LRRK2: variants seen among roughly 807,000 people sequenced by gnomAD.
LRRK2 encodes the protein leucine rich repeat kinase 2.
A neutral mutation model predicts 302.6 loss-of-function variants in LRRK2; 203 were observed. That is an observed-to-expected ratio of 0.67 (90% confidence interval 0.60 to 0.75). The LOEUF is 0.75. Among genes scored for constraint, LRRK2 ranks in the 30% least tolerant of loss-of-function variants. The probability of loss-of-function intolerance (pLI) is 0.00; values close to 1 mark genes in which losing one functional copy is unlikely to be tolerated. For missense variants in LRRK2, 2,830 were observed against 2,951.0 expected (o/e 0.96, Z 0.95); for synonymous variants, 1,066 against 1,031.9 (o/e 1.03, Z -0.63).
rs1946525517 is a variant in LRRK2, at chr12:40,356,018, GTCTA to G, written c.6771-92_6771-89del. 32 of 734,764 alleles carry G rather than the reference GTCTA, an allele frequency of 4.4e-5. 2 individuals carry two copies. In the South Asian group the frequency reaches 4.7e-4, roughly 11 times the overall value. 45.5% of individuals were successfully genotyped at this position (734,764 alleles called of 1,614,324 possible). A position where few individuals can be genotyped will look rare whatever the true frequency, so the allele number is the denominator to read the frequency against. On this transcript the variant is annotated intron_variant, in intron 45 of 50. Transcript: ENST00000298910. The stretch of plus-strand genomic sequence containing the variant: ...GAGGTTAGGAATTTATAGTTGAGAA[GTCTA>G]TCTAAAGTTTAATAAAGTGGAGGAG...
At chr12:40,346,951 AT>A (rs746079580) in intron 42 of LRRK2, 28 bp downstream of exon 42, 7 of 1,582,472 alleles carry the variant, frequency 4.4e-6, no homozygotes, top group African/African-American at 2.7e-5. Context: ...TACAATGAAG[AT>A]TTTTTTTCTT....
intron 28 of LRRK2, among the ~76,000 whole-genome samples, chr12:40,307,490 G>T: frequency 6.6e-6 from 1 of 151,922 alleles, no homozygotes; most frequent in African/African-American, 2.4e-5. Flanking sequence ...AGATCATTAG[G>T]AATGAAAGCT....
chr12:40,296,348 A>G (rs947857680), intron 23 of LRRK2, among the ~76,000 whole-genome samples: 1 of 152,142 alleles, frequency 6.6e-6, no homozygotes, highest in Non-Finnish European at 1.5e-5. Context: ...TTAAATTCTC[A>G]AGGCTGGGCA....
At chr12:40,286,324 C>T (rs1476674480) in intron 19 of LRRK2, 1 of 151,878 alleles carries the variant, frequency 6.6e-6, no homozygotes, top group Non-Finnish European at 1.5e-5. Flanking sequence ...TTTCCCATAT[C>T]ATAACATATT....
rs199964631 is a variant in LRRK2 at position 40,364,956 on chromosome 12, C to G, written c.7296C>G (p.Gly2432=). Residue 2432 remains glycine (G), a synonymous_variant, in exon 49 of 51, where the codon GGC becomes GGG. Coordinates refer to ENST00000298910, the MANE Select transcript of LRRK2 (RefSeq NM_198578.4). The part of the protein sequence containing the change: ...NTALWIGTGG[G]HILLLDLSTR... Reference sequence around the variant, plus strand: ...CTCTTTGGATAGGAACTGGAGGAGGCCATATTTTACTCCTGGATCTTTCAA... The same window carrying G: ...CTCTTTGGATAGGAACTGGAGGAGGGCATATTTTACTCCTGGATCTTTCAA... The G allele has an allele frequency of 9.3e-5, 150 of 1,612,370 alleles. No individual in the cohort carries two copies. Among genetic ancestry groups the G allele is most frequent in the Non-Finnish European group, 1.1e-4 (133 of 1,179,062 alleles).
intron 4 of LRRK2, among the ~76,000 whole-genome samples, chr12:40,236,667 G>A (rs1265730499): frequency 6.6e-6 from 1 of 152,170 alleles, no homozygotes; most frequent in East Asian, 1.9e-4. Flanking sequence ...GTGTGATTGG[G>A]AAGGTTTGAA....
rs1252912684 is a variant in LRRK2 at position 40,304,444 on chromosome 12, AC to A, written c.3777+312del. 148 of 351,040 alleles carry A rather than the reference AC, an allele frequency of 4.2e-4. 1 individual carries two copies. Among genetic ancestry groups the A allele is most frequent in the African/African-American group, 2.9e-3 (139 of 47,548 alleles). 21.7% of individuals were successfully genotyped at this position (351,040 alleles called of 1,614,324 possible). A position where few individuals can be genotyped will look rare whatever the true frequency, so the allele number is the denominator to read the frequency against. On this transcript the variant is annotated intron_variant, in intron 27 of 50. Coordinates refer to ENST00000298910, the MANE Select transcript of LRRK2 (RefSeq NM_198578.4). ...AAAACAATATGCTATACTTATCAGA[AC>A]CTTTTAATCTGAAAGCTAAACAGCT...
intron 13 of LRRK2, among the ~76,000 whole-genome samples, chr12:40,261,681 G>A (rs1404616056): frequency 6.6e-6 from 1 of 152,110 alleles, no homozygotes; most frequent in African/African-American, 2.4e-5. Context: ...TACTCCAGTA[G>A]TTTTGAGGTT....
intron 10 of LRRK2, among the ~76,000 whole-genome samples, 164 bp from the exon 11 acceptor site, chr12:40,252,746 G>A (rs557971512): frequency 6.6e-6 from 1 of 152,070 alleles, no homozygotes; most frequent in Admixed American, 6.6e-5. Flanking sequence ...TAATTAATTC[G>A]AGTCTTAAAA....
chr12:40,358,266 T>A (rs1032739281), intron 46 of LRRK2, among the ~76,000 whole-genome samples: 1 of 152,230 alleles, frequency 6.6e-6, no homozygotes, highest in Non-Finnish European at 1.5e-5. Flanking sequence ...TTGTTTTTGT[T>A]GCCTGTGCTT....
At chr12:40,335,657 A>T (rs984636819) in intron 40 of LRRK2, among the ~76,000 whole-genome samples, 1 of 152,196 alleles carries the variant, frequency 6.6e-6, no homozygotes, top group Admixed American at 6.5e-5. Context: ...TGAAGACAAA[A>T]GGCCTGGGAT....
intron 31 of LRRK2, among the ~76,000 whole-genome samples, chr12:40,312,058 G>C (rs748444081): frequency 2.6e-5 from 4 of 151,668 alleles, no homozygotes; most frequent in Admixed American, 6.6e-5. Flanking sequence ...GTCAGAGAAT[G>C]TATCATATCT....
At chr12:40,233,595 C>G (rs1941301030) in intron 3 of LRRK2, among the ~76,000 whole-genome samples, 2 of 152,146 alleles carry the variant, frequency 1.3e-5, no homozygotes, top group Non-Finnish European at 2.9e-5. Flanking sequence ...TTCTATGTAT[C>G]AGTTCTAAAG....
chr12:40,310,555 C>A lies in LRRK2; in HGVS notation c.4442C>A (p.Ala1481Asp). 6.2e-7 allele frequency: 1 copy of A among 1,610,696 alleles called. No homozygotes were observed. The highest frequency in any genetic ancestry group is 8.5e-7 in the Non-Finnish European group (1 of 1,179,032). The change falls in exon 31 of 51, where the codon GCC becomes GAC. Residue 1481 changes from alanine to aspartate, a missense_variant. Transcript: ENST00000298910. ...KELLNKRGFP[A>D]IRDYHFVNAT... ...CTCCTGAATAAGCGAGGGTTCCCTG[C>A]CATACGAGATTACCACTTTGTGAAT...
intron 11 of LRRK2, among the ~76,000 whole-genome samples, chr12:40,254,500 A>G (rs1181172741): frequency 4.6e-5 from 7 of 152,186 alleles, no homozygotes; most frequent in African/African-American, 1.4e-4. Context: ...CTCTTATTCT[A>G]CTGTGCAGTT....
In LRRK2 at chr12:40,363,408, T is replaced by C; in HGVS notation, c.7035T>C (p.Ser2345=). The C allele has an allele frequency of 6.2e-7, 1 of 1,611,490 alleles. No individual in the cohort carries two copies. The highest frequency in any genetic ancestry group is 8.5e-7 in the Non-Finnish European group (1 of 1,178,388). Residue 2345 remains serine (S), a synonymous_variant, in exon 48 of 51, where the codon TCT becomes TCC. Coordinates refer to ENST00000298910, the MANE Select transcript of LRRK2 (RefSeq NM_198578.4). ...TATTTTTTTTTCTCTGTAGGTTTTC[T>C]TATGCAGCTTTCAGTGATTCCAACA... The part of the protein sequence containing the change: ...LIETRTSQLF[S]YAAFSDSNII...
chr12:40,225,101 G>A lies in LRRK2; in HGVS notation c.-31G>A. On this transcript the variant is annotated 5_prime_UTR_variant, in exon 1 of 51. Transcript: ENST00000298910. ...CCCTGAGCAGCGGACGTTCATGCTG[G>A]GAGGGCGGCGGGTTGGAAGCAGGTG... The A allele has an allele frequency of 6.2e-7, 1 of 1,612,812 alleles. No homozygotes were observed. The highest frequency in any genetic ancestry group is 8.5e-7 in the Non-Finnish European group (1 of 1,179,910).
chr12:40,308,093 G>A (rs1273479501), intron 28 of LRRK2, among the ~76,000 whole-genome samples: 5 of 151,652 alleles, frequency 3.3e-5, no homozygotes, highest in African/African-American at 1.2e-4. Context: ...AATTTGTAGG[G>A]TTTTTCATAC....
In LRRK2 at chr12:40,314,151, A is replaced by C; in HGVS notation, c.4716A>C (p.Ala1572=). ...TAGATGAAAATGAGCTTCCTCACGC[A>C]GTTCACTTTCTAAATGAATCAGGTT... ...LQLDENELPH[A]VHFLNESGVL... The change falls in exon 32 of 51, where the codon GCA becomes GCC. Residue 1572 remains alanine (A), a synonymous_variant. Coordinates refer to ENST00000298910, the MANE Select transcript of LRRK2 (RefSeq NM_198578.4). 1.9e-6 allele frequency: 3 copies of C among 1,612,496 alleles called. No individual in the cohort carries two copies. Among genetic ancestry groups the C allele is most frequent in the Non-Finnish European group, 1.7e-6 (2 of 1,178,828 alleles).
Sources: allele counts gnomAD v4.1 joint callset (sites outside exome capture counted in the v4.1 genomes callset), GRCh38; gene constraint gnomAD v4.1.1; transcripts MANE v1.5; gene names NCBI Gene and HGNC (gene_info 2026-07-23, HGNC 2026-07-21).